Variants in PRKN observed in about 807,000 individuals in gnomAD.
PRKN encodes the protein E3 ubiquitin-protein ligase parkin.
In PRKN, 56 loss-of-function variants were observed where a neutral mutation model predicts 59.5. That is an observed-to-expected ratio of 0.94 (90% CI 0.76 to 1.18). PRKN has a LOEUF of 1.18. Among genes scored for constraint, PRKN ranks in the 50% most tolerant of loss-of-function variants. The pLI is 0.00. For synonymous variants in PRKN, 250 were observed against 222.1 expected, an observed-to-expected ratio of 1.13 and a Z score of -1.12; for missense variants, 657 against 596.4, an observed-to-expected ratio of 1.10 and a Z score of -1.06.
chr6:161,799,423 T>C (rs1249079508), intron 6 of PRKN, among the ~76,000 whole-genome samples: 1 of 152,198 alleles, frequency 6.6e-6, no homozygotes, highest in African/African-American at 2.4e-5. Context: ...ATTCAACTGC[T>C]GTCAAAAGCT....
In PRKN at chr6:162,146,787, G is replaced by A. The variant is rs148479360; in HGVS notation, c.534+54344C>T. On this transcript the variant is annotated intron_variant, in intron 4 of 11. Coordinates refer to ENST00000366898, the MANE Select transcript of PRKN (RefSeq NM_004562.3). ...CCCAAAGTGCTGGGGTTACAGGTGT[G>A]CCACCACACCTGGCCTACATTCTTT... 9.9e-3 allele frequency among the ~76,000 whole-genome samples: 1,511 copies of A among 152,050 alleles called. 26 individuals are homozygous for A. Among genetic ancestry groups the A allele is most frequent in the African/African-American group, 0.035 (1,458 of 41,516 alleles).
intron 5 of PRKN, among the ~76,000 whole-genome samples, chr6:162,020,220 T>C (rs1783083677): frequency 6.6e-6 from 1 of 150,776 alleles, no homozygotes; most frequent in African/African-American, 2.4e-5. Context: ...GCCCTGCAAA[T>C]CTGTGACTGC....
At chr6:162,215,667 T>C (rs1055008835) in intron 3 of PRKN, among the ~76,000 whole-genome samples, 1 of 151,870 alleles carries the variant, frequency 6.6e-6, no homozygotes, top group Admixed American at 6.6e-5. Context: ...ACTATTGAAA[T>C]TATTGTTTAT....
chr6:161,946,410 ACACACTCTCT>A (rs1401919329), intron 6 of PRKN, among the ~76,000 whole-genome samples: 31 of 95,198 alleles, frequency 3.3e-4, no homozygotes, highest in African/African-American at 8.7e-4. Context: ...ACACACACAC[ACACACTCTCT>A]CTCTCTCTCT....
chr6:161,939,973 A>G (rs1779499040), intron 6 of PRKN, among the ~76,000 whole-genome samples: 1 of 151,680 alleles, frequency 6.6e-6, no homozygotes. Context: ...ATCTCGGCTC[A>G]CCGCAACCTC....
At chr6:162,610,755 A>G (rs1433787013) in intron 1 of PRKN, among the ~76,000 whole-genome samples, 1 of 152,186 alleles carries the variant, frequency 6.6e-6, no homozygotes, top group Admixed American at 6.5e-5. Context: ...TTTATTTCTA[A>G]AAGAACAAGG....
At chr6:162,267,730 G>A (rs1780201858) in intron 2 of PRKN, among the ~76,000 whole-genome samples, 1 of 152,116 alleles carries the variant, frequency 6.6e-6, no homozygotes, top group Non-Finnish European at 1.5e-5. Context: ...GGAGACTGAG[G>A]GATCAGTATC....
chr6:161,435,946 G>A (rs1313890393), intron 9 of PRKN, among the ~76,000 whole-genome samples: 3 of 19,378 alleles, frequency 1.5e-4, no homozygotes, highest in Admixed American at 5.3e-4. Context: ...AGAGCAGGGG[G>A]GTGGGATGGG....
At chr6:161,733,783 A>AAATATATATATATATATATAT (rs35360887) in intron 7 of PRKN, among the ~76,000 whole-genome samples, 1 of 86,228 alleles carries the variant, frequency 1.2e-5, no homozygotes, top group Non-Finnish European at 1.9e-5. Flanking sequence ...AAAAAAAAAA[A>AAATATATATATATATATATAT]ATATATATAT....
chr6:162,063,020 C>G (rs931485717), intron 4 of PRKN, among the ~76,000 whole-genome samples: 1 of 152,126 alleles, frequency 6.6e-6, no homozygotes, highest in East Asian at 1.9e-4. Flanking sequence ...TCACTCAATA[C>G]AGAAAGCAAA....
chr6:161,912,759 G>C (rs568784317), intron 6 of PRKN, among the ~76,000 whole-genome samples: 41 of 152,162 alleles, frequency 2.7e-4, no homozygotes, highest in African/African-American at 9.4e-4. Context: ...AAGCAGATGA[G>C]GTCTCTGAGA....
chr6:162,143,904 G>C (rs370319371), intron 4 of PRKN, among the ~76,000 whole-genome samples: 7 of 152,122 alleles, frequency 4.6e-5, no homozygotes, highest in African/African-American at 7.2e-5. Flanking sequence ...TGAGTAATTA[G>C]ATATTTCTGA....
At chr6:161,674,156 C>T (rs578210972) in intron 7 of PRKN, among the ~76,000 whole-genome samples, 26 of 152,142 alleles carry the variant, frequency 1.7e-4, no homozygotes, top group Admixed American at 6.5e-4. Context: ...GGAATCACAA[C>T]GTTTAGACTG....
intron 6 of PRKN, among the ~76,000 whole-genome samples, chr6:161,874,002 A>G (rs1377846504): frequency 0.058 from 4,511 of 77,252 alleles, 1,297 homozygotes; most frequent in South Asian, 0.085. Context: ...AATATAATAT[A>G]TAAAATATAT....
At chr6:162,720,732 G>A (rs1778912233) in intron 1 of PRKN, among the ~76,000 whole-genome samples, 1 of 151,530 alleles carries the variant, frequency 6.6e-6, no homozygotes, top group Non-Finnish European at 1.5e-5. Context: ...TTACAGGCGT[G>A]AGCCACCGCG....
chr6:162,073,757 C>A (rs1248428489), intron 4 of PRKN, among the ~76,000 whole-genome samples: 1 of 152,212 alleles, frequency 6.6e-6, no homozygotes, highest in Non-Finnish European at 1.5e-5. Context: ...CAGCCCTCTA[C>A]AGCTTTTAAA....
chr6:162,591,038 G>C (rs1190339169), intron 1 of PRKN, among the ~76,000 whole-genome samples: 1 of 152,034 alleles, frequency 6.6e-6, no homozygotes, highest in Non-Finnish European at 1.5e-5. Flanking sequence ...AGGAACAGGA[G>C]CCAGATTCCT....
intron 1 of PRKN, among the ~76,000 whole-genome samples, chr6:162,636,874 T>A (rs991570343): frequency 2.6e-5 from 4 of 151,870 alleles, no homozygotes; most frequent in African/African-American, 9.7e-5. Context: ...GTGGGAGGGC[T>A]GCTTGAGCCC....
intron 3 of PRKN, among the ~76,000 whole-genome samples, chr6:162,250,990 G>A (rs1239434725): frequency 6.6e-6 from 1 of 151,564 alleles, no homozygotes; most frequent in East Asian, 1.9e-4. Context: ...TCCCATCTTG[G>A]GACACTGAAT....
Sources: gnomAD v4.1 joint callset for allele counts (sites outside exome capture counted in the v4.1 genomes callset) on GRCh38, gnomAD v4.1.1 for gene constraint, MANE v1.5 for transcripts, NCBI Gene and HGNC (gene_info 2026-07-23, HGNC 2026-07-21) for gene names.